PGM5: variants seen among roughly 807,000 people sequenced by gnomAD.
PGM5 encodes the protein phosphoglucomutase 5, also known as phosphoglucomutase-like protein 5.
Under a neutral mutation model 59.2 loss-of-function variants are expected in PGM5, and 23 were observed. That is an observed-to-expected ratio of 0.39 (90% CI 0.28 to 0.55). The LOEUF (loss-of-function observed/expected upper bound fraction) is 0.55. Among genes scored for constraint, PGM5 ranks in the 20% least tolerant of loss-of-function variants. PGM5 has a pLI of 0.66. For missense variants in PGM5, 574 were observed against 748.3 expected (o/e 0.77, Z 2.72); for synonymous variants, 214 against 286.0 (o/e 0.75, Z 2.54).
chr9:68,488,073 A>G (rs558981464), intron 9 of PGM5, among the ~76,000 whole-genome samples: 3 of 152,338 alleles, frequency 2.0e-5, no homozygotes, highest in African/African-American at 7.2e-5. Context: ...AAAATTATTT[A>G]TGTTTTAAAA....
chr9:68,505,944 C>G (rs1283331571), intron 10 of PGM5, among the ~76,000 whole-genome samples: 1 of 152,072 alleles, frequency 6.6e-6, no homozygotes, highest in African/African-American at 2.4e-5. Flanking sequence ...TGGGGCCCAC[C>G]AAGAGTCACC....
chr9:68,470,540 A>G (rs1191568656), intron 7 of PGM5, among the ~76,000 whole-genome samples: 4 of 152,254 alleles, frequency 2.6e-5, no homozygotes, highest in South Asian at 2.1e-4. Flanking sequence ...TTATACAATT[A>G]TTACATTTAC....
chr9:68,418,066 G>A (rs1823065187), intron 6 of PGM5, among the ~76,000 whole-genome samples: 1 of 152,218 alleles, frequency 6.6e-6, no homozygotes, highest in Non-Finnish European at 1.5e-5. Context: ...ACAAGAGGCT[G>A]AGCTGCTTTG....
At chr9:68,474,652 A>G (rs528941329) in intron 7 of PGM5, among the ~76,000 whole-genome samples, 1 of 151,492 alleles carries the variant, frequency 6.6e-6, no homozygotes, top group Non-Finnish European at 1.5e-5. Context: ...TGGTATGTGG[A>G]TGGAGATGGC....
intron 10 of PGM5, among the ~76,000 whole-genome samples, chr9:68,524,347 A>G (rs1268124546): frequency 2.0e-5 from 3 of 152,234 alleles, no homozygotes; most frequent in Non-Finnish European, 4.4e-5. Flanking sequence ...GACAGCAAAC[A>G]TCCAGAAAAC....
At chr9:68,418,653 T>G (rs1823076807) in intron 6 of PGM5, among the ~76,000 whole-genome samples, 3 of 152,208 alleles carry the variant, frequency 2.0e-5, no homozygotes, top group Admixed American at 6.5e-5. Context: ...ACGACTTGAC[T>G]GGCTGCGCTG....
At chr9:68,481,263 A>G (rs533791781) in intron 8 of PGM5, among the ~76,000 whole-genome samples, 1 of 152,360 alleles carries the variant, frequency 6.6e-6, no homozygotes, top group Admixed American at 6.5e-5. Flanking sequence ...TGGGAGATGT[A>G]AACAACAACA....
At chr9:68,462,503 G>A (rs1240120903) in intron 6 of PGM5, among the ~76,000 whole-genome samples, 1 of 152,104 alleles carries the variant, frequency 6.6e-6, no homozygotes, top group Non-Finnish European at 1.5e-5. Flanking sequence ...AGCTGCAACT[G>A]TGGCTCATAG....
intron 9 of PGM5, among the ~76,000 whole-genome samples, chr9:68,485,874 G>T (rs375183708): frequency 3.3e-5 from 5 of 152,186 alleles, no homozygotes; most frequent in East Asian, 1.9e-4. Context: ...TAGCTCAAGG[G>T]GGGTGATGAG....
rs183436947 is a variant in PGM5 at position 68,399,718 on chromosome 9, G to A, written c.1043+7245G>A. Among the ~76,000 whole-genome samples the A allele has an allele frequency of 8.6e-5, 13 of 151,888 alleles. No homozygotes were observed. The East Asian group carries it at 9.7e-4, about 11-fold the overall frequency. ...CTTGGATGATCTAGATACCAGACCC[G>A]TTGTCAGTTTTAGGCACTTCTAATT... On this transcript the variant is annotated intron_variant, in intron 6 of 10. Coordinates refer to ENST00000396396, the MANE Select transcript of PGM5 (RefSeq NM_021965.4).
At chr9:68,458,523 G>A (rs1823812492) in intron 6 of PGM5, among the ~76,000 whole-genome samples, 1 of 152,144 alleles carries the variant, frequency 6.6e-6, no homozygotes, top group Admixed American at 6.5e-5. Flanking sequence ...TAAGTGAAAT[G>A]TCCAGTACTA....
chr9:68,415,779 ATATCTATCTATCTATC>A (rs782447993), intron 6 of PGM5, among the ~76,000 whole-genome samples: 35 of 33,266 alleles, frequency 1.1e-3, no homozygotes, highest in African/African-American at 1.9e-3. Context: ...AAGGCAGGGA[ATATCTATCTATCTATC>A]TATCTATCTA....
At chr9:68,492,787 TTCTAGG>T (rs1387566454) in intron 9 of PGM5, among the ~76,000 whole-genome samples, 1 of 151,966 alleles carries the variant, frequency 6.6e-6, no homozygotes, top group East Asian at 1.9e-4. Context: ...AAATGGGTAA[TTCTAGG>T]TGGGTTTTTT....
chr9:68,500,095 A>C (rs1824547237), intron 10 of PGM5, among the ~76,000 whole-genome samples: 1 of 140,208 alleles, frequency 7.1e-6, no homozygotes, highest in Non-Finnish European at 1.6e-5. Context: ...GTTTTGAAGC[A>C]AGGTCCTTGA....
At chr9:68,457,606 C>A (rs1263287725) in intron 6 of PGM5, among the ~76,000 whole-genome samples, 1 of 152,100 alleles carries the variant, frequency 6.6e-6, no homozygotes, top group Non-Finnish European at 1.5e-5. Flanking sequence ...AATAAGATTT[C>A]TATAATACTA....
intron 1 of PGM5, among the ~76,000 whole-genome samples, chr9:68,361,124 C>G (rs375944922): frequency 2.6e-5 from 4 of 152,232 alleles, no homozygotes; most frequent in South Asian, 4.2e-4. Flanking sequence ...TACTACGTTG[C>G]CCAGGCTGGT....
At chr9:68,438,312 AAGAT>A (rs1475404649) in intron 6 of PGM5, among the ~76,000 whole-genome samples, 92 of 150,116 alleles carry the variant, frequency 6.1e-4, no homozygotes, top group Non-Finnish European at 1.0e-3. Flanking sequence ...AAAAAAAAAA[AAGAT>A]AGAATCTGAG....
intron 7 of PGM5, among the ~76,000 whole-genome samples, chr9:68,471,617 A>T (rs1824019768): frequency 7.6e-6 from 1 of 132,312 alleles, no homozygotes; most frequent in Non-Finnish European, 1.6e-5. Flanking sequence ...CCTGTCTCTT[A>T]AAAAAAAAAA....
chr9:68,375,135 C>T (rs1353427126), intron 1 of PGM5, among the ~76,000 whole-genome samples: 1 of 152,104 alleles, frequency 6.6e-6, no homozygotes, highest in Non-Finnish European at 1.5e-5. Flanking sequence ...CATGACATGG[C>T]GGCTGGTCTC....
Sources: gnomAD v4.1 joint callset for allele counts (sites outside exome capture counted in the v4.1 genomes callset) on GRCh38, gnomAD v4.1.1 for gene constraint, MANE v1.5 for transcripts, NCBI Gene and HGNC (gene_info 2026-07-23, HGNC 2026-07-21) for gene names.